Variants in CNTN4 observed in about 807,000 individuals in gnomAD.
CNTN4 encodes the protein contactin-4.
In CNTN4, 77 loss-of-function variants were observed where a neutral mutation model predicts 122.5. That is an observed-to-expected ratio of 0.63 (90% confidence interval 0.52 to 0.76). The LOEUF is 0.76. CNTN4 is among the 30% of genes least tolerant of loss of function. The probability of loss-of-function intolerance (pLI) is 0.00; values close to 1 mark genes in which losing one functional copy is unlikely to be tolerated. For synonymous variants in CNTN4, 512 were observed against 447.0 expected, an observed-to-expected ratio of 1.15 and a Z score of -1.83; for missense variants, 1,256 against 1,259.1, an observed-to-expected ratio of 1.00 and a Z score of 0.04.
At chr3:2,952,897 G>A (rs972055550) in intron 13 of CNTN4, among the ~76,000 whole-genome samples, 1 of 152,168 alleles carries the variant, frequency 6.6e-6, no homozygotes, top group South Asian at 2.1e-4. Context: ...TGTTGAGTGA[G>A]TGCCTAATAT....
intron 14 of CNTN4, among the ~76,000 whole-genome samples, chr3:3,009,646 G>T (rs998646964): frequency 1.3e-5 from 2 of 152,040 alleles, no homozygotes; most frequent in Non-Finnish European, 2.9e-5. Flanking sequence ...TGTTAGCCAG[G>T]ATGGTCTCGA....
chr3:2,998,823 T>G (rs1393291427), intron 14 of CNTN4, among the ~76,000 whole-genome samples: 1 of 152,188 alleles, frequency 6.6e-6, no homozygotes, highest in Non-Finnish European at 1.5e-5. Flanking sequence ...GATTCCCTTT[T>G]TAATGGAAAT....
At chr3:2,369,671 C>G (rs1351293886) in intron 3 of CNTN4, among the ~76,000 whole-genome samples, 3 of 152,000 alleles carry the variant, frequency 2.0e-5, no homozygotes, top group Non-Finnish European at 4.4e-5. Flanking sequence ...CTTCCTCCTG[C>G]TTGGAAATTG....
chr3:2,492,029 T>A (rs986730287), intron 3 of CNTN4, among the ~76,000 whole-genome samples: 1 of 152,210 alleles, frequency 6.6e-6, no homozygotes. Flanking sequence ...CTATATCACA[T>A]TGTTTTGATT....
At chr3:2,755,469 A>G (rs979065161) in intron 6 of CNTN4, among the ~76,000 whole-genome samples, 2 of 152,214 alleles carry the variant, frequency 1.3e-5, no homozygotes, top group African/African-American at 4.8e-5. Flanking sequence ...AGGTAGAAGA[A>G]GTCAAACCCA....
chr3:2,446,741 G>A (rs998953511), intron 3 of CNTN4, among the ~76,000 whole-genome samples: 1 of 152,162 alleles, frequency 6.6e-6, no homozygotes, highest in East Asian at 1.9e-4. Flanking sequence ...CGTTATCAGC[G>A]TCTTCTGAGT....
chr3:2,274,788 C>T (rs907204032), intron 2 of CNTN4, among the ~76,000 whole-genome samples: 3 of 152,084 alleles, frequency 2.0e-5, no homozygotes, highest in Admixed American at 6.6e-5. Flanking sequence ...GTCAAGCTTC[C>T]GAGTAAAAAT....
intron 3 of CNTN4, among the ~76,000 whole-genome samples, chr3:2,543,270 C>A (rs1396871211): frequency 6.6e-6 from 1 of 152,058 alleles, no homozygotes; most frequent in Non-Finnish European, 1.5e-5. Context: ...GAAAGAGTTA[C>A]CAGGTGAAGA....
At chr3:2,870,807 C>T (rs1006562450) in intron 8 of CNTN4, among the ~76,000 whole-genome samples, 1 of 152,162 alleles carries the variant, frequency 6.6e-6, no homozygotes, top group Admixed American at 6.6e-5. Flanking sequence ...CAATATTCAG[C>T]TTGTTTCTTG....
intron 3 of CNTN4, among the ~76,000 whole-genome samples, chr3:2,371,800 A>G (rs2045643161): frequency 6.6e-6 from 1 of 152,230 alleles, no homozygotes; most frequent in African/African-American, 2.4e-5. Flanking sequence ...ACCTGTTAGA[A>G]ACTCAAAGCT....
intron 3 of CNTN4, among the ~76,000 whole-genome samples, chr3:2,458,143 C>G (rs1394350923): frequency 3.3e-5 from 5 of 152,136 alleles, no homozygotes; most frequent in Admixed American, 2.6e-4. Context: ...GAATTGCACA[C>G]TCTCCTGCTC....
chr3:2,864,400 C>T (rs1163477561), intron 7 of CNTN4, among the ~76,000 whole-genome samples: 1 of 151,932 alleles, frequency 6.6e-6, no homozygotes, highest in African/African-American at 2.4e-5. Flanking sequence ...GCCTTGCAGC[C>T]AGTAGCTACT....
chr3:2,448,153 G>T (rs1036003430), intron 3 of CNTN4, among the ~76,000 whole-genome samples: 4 of 152,134 alleles, frequency 2.6e-5, no homozygotes, highest in Non-Finnish European at 5.9e-5. Context: ...ATGATGAGGT[G>T]AGCGTAGCCA....
At chr3:2,479,622 G>A (rs1045799566) in intron 3 of CNTN4, among the ~76,000 whole-genome samples, 30 of 152,324 alleles carry the variant, frequency 2.0e-4, no homozygotes, top group African/African-American at 7.2e-4. Flanking sequence ...AACTGGGGGA[G>A]GGACTTGCAT....
chr3:2,448,710 T>A (rs1424982096), intron 3 of CNTN4, among the ~76,000 whole-genome samples: 1 of 152,204 alleles, frequency 6.6e-6, no homozygotes, highest in East Asian at 1.9e-4. Context: ...TAACAATTAT[T>A]ACTGAGTACA....
intron 4 of CNTN4, among the ~76,000 whole-genome samples, chr3:2,717,603 C>A (rs2087575296): frequency 6.6e-6 from 1 of 152,140 alleles, no homozygotes; most frequent in Admixed American, 6.5e-5. Flanking sequence ...TATGCCAAGT[C>A]CTGTGAATCC....
intron 3 of CNTN4, among the ~76,000 whole-genome samples, chr3:2,444,044 A>T (rs17786873): frequency 0.23 from 35,591 of 151,992 alleles, 5,366 homozygotes; most frequent in Non-Finnish European, 0.35. Flanking sequence ...CTCCTCTGGG[A>T]GCATTTATCT....
intron 2 of CNTN4, among the ~76,000 whole-genome samples, chr3:2,106,072 C>G (rs761778938): frequency 1.3e-5 from 2 of 152,208 alleles, no homozygotes; most frequent in African/African-American, 4.8e-5. Flanking sequence ...GTCTCAAGTT[C>G]AGGTCATGCT....
At chr3:2,638,187 C>T (rs924589764) in intron 4 of CNTN4, among the ~76,000 whole-genome samples, 1 of 152,144 alleles carries the variant, frequency 6.6e-6, no homozygotes, top group African/African-American at 2.4e-5. Flanking sequence ...CCTTAATGCC[C>T]ATTCTCACAT....
Sources: gnomAD v4.1 joint callset for allele counts (sites outside exome capture counted in the v4.1 genomes callset) on GRCh38, gnomAD v4.1.1 for gene constraint, MANE v1.5 for transcripts, NCBI Gene and HGNC (gene_info 2026-07-23, HGNC 2026-07-21) for gene names.